TXNRD1: variants seen among roughly 807,000 people sequenced by gnomAD.
TXNRD1 encodes thioredoxin reductase 1, cytoplasmic.
TXNRD1 carries 57 observed loss-of-function variants against 80.3 expected under a neutral mutation model. That is an observed-to-expected ratio of 0.71 (90% confidence interval 0.57 to 0.89). The LOEUF (loss-of-function observed/expected upper bound fraction) is 0.89, where lower values mean the gene tolerates loss of function less well. Ranked by LOEUF, TXNRD1 falls within the 40% of genes least tolerant of loss-of-function variation. TXNRD1 has a pLI of 0.00. For missense variants in TXNRD1, 730 were observed against 803.0 expected, an observed-to-expected ratio of 0.91 and a Z score of 1.10; for synonymous variants, 291 against 285.2, an observed-to-expected ratio of 1.02 and a Z score of -0.20.
chr12:104,239,239 G>A (rs7397748), intron 1 of TXNRD1, among the ~76,000 whole-genome samples: 108,206 of 149,966 alleles, frequency 0.72, 39,111 homozygotes, highest in South Asian at 0.77. Context: ...TGCTCCACAG[G>A]CTGGAGTACA....
intron 3 of TXNRD1, among the ~76,000 whole-genome samples, chr12:104,274,797 A>G (rs1293293182): frequency 6.6e-6 from 1 of 152,140 alleles, no homozygotes; most frequent in Non-Finnish European, 1.5e-5. Flanking sequence ...ACTAATTAGT[A>G]TGTAACTCCT....
chr12:104,241,937 A>ATTTTTTTTTTTTTTTTTT (rs747774973), intron 1 of TXNRD1, among the ~76,000 whole-genome samples: 2 of 96,082 alleles, frequency 2.1e-5, no homozygotes, highest in African/African-American at 8.5e-5. Context: ...TATACTAATG[A>ATTTTTTTTTTTTTTTTTT]TTTTTTTTTT....
intron 2 of TXNRD1, among the ~76,000 whole-genome samples, chr12:104,252,476 C>G (rs1011900708): frequency 3.3e-5 from 5 of 150,628 alleles, no homozygotes; most frequent in Admixed American, 2.7e-4. Flanking sequence ...CTGAATAAAC[C>G]AGGGTGGACT....
intron 2 of TXNRD1, among the ~76,000 whole-genome samples, chr12:104,252,424 G>A (rs1036409998): frequency 6.6e-6 from 1 of 151,574 alleles, no homozygotes; most frequent in Non-Finnish European, 1.5e-5. Flanking sequence ...AGAGAGAAAA[G>A]GTCAGTGGTT....
At chr12:104,271,217 G>C (rs1470503562) in intron 3 of TXNRD1, among the ~76,000 whole-genome samples, 1 of 135,072 alleles carries the variant, frequency 7.4e-6, no homozygotes, top group Non-Finnish European at 1.5e-5. Flanking sequence ...ACGGAGTCTC[G>C]CTCTGTCGCC....
At position 104,242,881 on chromosome 12, in the gene TXNRD1, C is replaced by G. The variant is rs1301387123; in HGVS notation, c.92-8646C>G. Among the ~76,000 whole-genome samples the G allele has an allele frequency of 1.4e-4, 22 of 152,180 alleles. 1 individual carries two copies. The highest frequency in any genetic ancestry group is 1.4e-3 in the Admixed American group (22 of 15,274). ...CAGTCCTCTGCAGAAAAGAGAGTTC[C>G]TTTCAAATGTGTATTCTCAGGCTCA... On this transcript the variant is annotated intron_variant, in intron 1 of 16. Coordinates refer to ENST00000525566, the MANE Select transcript of TXNRD1 (RefSeq NM_001093771.3).
chr12:104,274,216 G>T (rs1395046327), intron 3 of TXNRD1, among the ~76,000 whole-genome samples: 5 of 152,038 alleles, frequency 3.3e-5, no homozygotes, highest in African/African-American at 1.2e-4. Flanking sequence ...TCAAACCAGG[G>T]CCTAGAGCAT....
At chr12:104,249,414 TAAG>T (rs1945564538) in intron 1 of TXNRD1, among the ~76,000 whole-genome samples, 1 of 152,312 alleles carries the variant, frequency 6.6e-6, no homozygotes, top group Non-Finnish European at 1.5e-5. Context: ...ATCTCAAAGA[TAAG>T]GAGATTTCTA....
intron 4 of TXNRD1, chr12:104,304,573 T>G: frequency 6.2e-7 from 1 of 1,614,024 alleles, no homozygotes; most frequent in African/African-American, 1.3e-5. Context: ...TGAGTAGTTA[T>G]CCAGAAGCGA....
intron 2 of TXNRD1, among the ~76,000 whole-genome samples, chr12:104,257,125 T>C (rs999689746): frequency 3.3e-5 from 5 of 151,974 alleles, no homozygotes; most frequent in African/African-American, 7.2e-5. Context: ...GTCTTGTACA[T>C]AAAAGTCTCT....
rs1419732005 is a variant in TXNRD1, at chr12:104,318,821, G to A, written c.731-92G>A. Reference sequence around the variant, plus strand: ...CTTTCAGATTGCCTTTTAGAGCTCTGCTCCCTGTATTTCACTTGAGTGGTT... The same window carrying A: ...CTTTCAGATTGCCTTTTAGAGCTCTACTCCCTGTATTTCACTTGAGTGGTT... On this transcript the variant is annotated intron_variant, in intron 7 of 16. Coordinates refer to ENST00000525566, the MANE Select transcript of TXNRD1 (RefSeq NM_001093771.3). The A allele has an allele frequency of 2.8e-6, 4 of 1,415,522 alleles. No individual in the cohort carries two copies. The African/African-American group carries it at 5.7e-5, about 20-fold the overall frequency. The allele number at this position is 1,415,522 out of a possible 1,614,324, so 87.7% of individuals were successfully genotyped here.
chr12:104,303,636 A>T (rs1482387709), intron 4 of TXNRD1: 2 of 390,678 alleles, frequency 5.1e-6, no homozygotes, highest in Non-Finnish European at 9.1e-6. Flanking sequence ...GCGCTGGTCT[A>T]TGAGCGAGCG....
chr12:104,320,484 G>A lies in TXNRD1; in HGVS notation c.990-607G>A, dbSNP rs577077104. Among the ~76,000 whole-genome samples the A allele has an allele frequency of 3.3e-5, 5 of 152,108 alleles. No homozygotes were observed. In the East Asian group the frequency reaches 9.7e-4, roughly 29 times the overall value. ...TTTAGGATGTTAATGTGTGCATTTT[G>A]GGGATACATAAACATTCAGACAATA... On this transcript the variant is annotated intron_variant, in intron 9 of 16. Coordinates refer to ENST00000525566, the MANE Select transcript of TXNRD1 (RefSeq NM_001093771.3).
chr12:104,233,098 C>T (rs1404819186), intron 1 of TXNRD1, among the ~76,000 whole-genome samples: 1 of 152,158 alleles, frequency 6.6e-6, no homozygotes, highest in African/African-American at 2.4e-5. Context: ...AATGCCTGGG[C>T]ATTTTCAGAC....
At chr12:104,277,308 G>A (rs531576558) in intron 3 of TXNRD1, among the ~76,000 whole-genome samples, 1 of 151,138 alleles carries the variant, frequency 6.6e-6, no homozygotes, top group Admixed American at 6.6e-5. Context: ...GCTGAGGCAG[G>A]AGAATGACAT....
chr12:104,310,576 C>T (rs991437607), intron 4 of TXNRD1, among the ~76,000 whole-genome samples: 3 of 151,754 alleles, frequency 2.0e-5, no homozygotes, highest in Non-Finnish European at 2.9e-5. Context: ...TTGTATGAAA[C>T]GAATATGAAA....
chr12:104,328,779 A>T (rs1426852973), intron 13 of TXNRD1, among the ~76,000 whole-genome samples: 2 of 137,564 alleles, frequency 1.5e-5, no homozygotes, highest in Admixed American at 7.3e-5. Context: ...AAAAAAAAAA[A>T]GGAAAATATC....
At chr12:104,312,787 C>G (rs956040987) in intron 5 of TXNRD1, among the ~76,000 whole-genome samples, 5 of 152,094 alleles carry the variant, frequency 3.3e-5, no homozygotes, top group Non-Finnish European at 5.9e-5. Flanking sequence ...CAGTATTCTG[C>G]CTTAGAAACC....
chr12:104,266,571 G>A (rs1485018905), intron 3 of TXNRD1, among the ~76,000 whole-genome samples: 3 of 149,458 alleles, frequency 2.0e-5, no homozygotes, highest in East Asian at 4.0e-4. Flanking sequence ...GGCGGCTCAC[G>A]ACTGTAATCC....
Sources: gnomAD v4.1 joint callset for allele counts (sites outside exome capture counted in the v4.1 genomes callset) on GRCh38, gnomAD v4.1.1 for gene constraint, MANE v1.5 for transcripts, NCBI Gene and HGNC (gene_info 2026-07-23, HGNC 2026-07-21) for gene names.